PTPRN2: variants seen among roughly 807,000 people sequenced by gnomAD.
PTPRN2 encodes receptor-type tyrosine-protein phosphatase N2.
PTPRN2 carries 74 observed loss-of-function variants against 118.8 expected under a neutral mutation model. The observed-to-expected ratio is 0.62, with a 90% CI of 0.52 to 0.76. The LOEUF is 0.76. Ranked by LOEUF, PTPRN2 falls within the 30% of genes least tolerant of loss-of-function variation. PTPRN2 has a pLI of 0.00. For synonymous variants in PTPRN2, 641 were observed against 608.0 expected (o/e 1.05, Z -0.80); for missense variants, 1,481 against 1,394.4 (o/e 1.06, Z -0.99).
rs940773142 is a variant in PTPRN2, at chr7:157,550,331, A to C, written c.2903-1312T>G. On this transcript the variant is annotated intron_variant, in intron 21 of 22. Transcript: ENST00000389418. The surrounding 1 kb of genome is among the most constrained non-coding windows in gnomAD (Gnocchi z 5.2). ...CAGCAGGTGCCTGCGAAGCACCTCC[A>C]AGTCAGAACTGCGGGCAGCTAGGAG... Among the ~76,000 whole-genome samples the C allele has an allele frequency of 6.6e-6, 1 of 152,082 alleles. No homozygotes were observed. The highest frequency in any genetic ancestry group is 2.4e-5 in the African/African-American group (1 of 41,434).
chr7:158,354,238 C>T (rs1041230586), intron 2 of PTPRN2, among the ~76,000 whole-genome samples: 25 of 152,160 alleles, frequency 1.6e-4, no homozygotes, highest in African/African-American at 6.0e-4. Flanking sequence ...AAACATACCC[C>T]AGAAAAACCA....
chr7:157,678,475 T>C (rs745609986), intron 13 of PTPRN2, among the ~76,000 whole-genome samples: 3 of 152,200 alleles, frequency 2.0e-5, no homozygotes, highest in Non-Finnish European at 4.4e-5. Context: ...CCTGTGCTCT[T>C]TGTCAGAACT....
At chr7:157,553,020 C>G (rs966484444) in intron 21 of PTPRN2, among the ~76,000 whole-genome samples, 2 of 152,228 alleles carry the variant, frequency 1.3e-5, no homozygotes, top group Non-Finnish European at 2.9e-5. Flanking sequence ...TTCTCTGAAG[C>G]CTTCCAGGCA....
chr7:157,640,338 A>G (rs1295132646), intron 14 of PTPRN2, among the ~76,000 whole-genome samples: 1 of 152,252 alleles, frequency 6.6e-6, no homozygotes, highest in Non-Finnish European at 1.5e-5. Context: ...GAAACACTGT[A>G]TGTTGGAAGA....
chr7:157,657,977 C>T (rs561881897), intron 13 of PTPRN2, among the ~76,000 whole-genome samples: 1 of 148,502 alleles, frequency 6.7e-6, no homozygotes, highest in African/African-American at 2.5e-5. Context: ...ACACACACAC[C>T]ACACACACGT....
rs375925672 is a variant in PTPRN2, at chr7:158,349,953, C to T, written c.164-33021G>A. On this transcript the variant is annotated intron_variant, in intron 2 of 22. Transcript: ENST00000389418. ...CCTTCCTGATGTCCAAGAACAAGGG[C>T]GTTACTAGCGCTCACGTGTTCCCCT... Among the ~76,000 whole-genome samples the T allele has an allele frequency of 6.6e-5, 10 of 152,256 alleles. No homozygotes were observed. In the East Asian group the frequency reaches 1.4e-3, roughly 21 times the overall value.
At chr7:158,142,121 C>T (rs1203674785) in intron 6 of PTPRN2, among the ~76,000 whole-genome samples, 1 of 152,206 alleles carries the variant, frequency 6.6e-6, no homozygotes, top group Non-Finnish European at 1.5e-5. Context: ...GGGGGCTGCC[C>T]CTCCCACGAA....
At position 158,173,703 on chromosome 7, in the gene PTPRN2, G is replaced by A. The variant is rs1438468367; in HGVS notation, c.550-6412C>T. On this transcript the variant is annotated intron_variant, in intron 5 of 22. Coordinates refer to ENST00000389418, the MANE Select transcript of PTPRN2 (RefSeq NM_002847.5). ...AGAATTTCATCTCTTATCTTCAACT[G>A]CATAAGACAGACACTCCCAGAACGG... 2.0e-5 allele frequency among the ~76,000 whole-genome samples: 3 copies of A among 152,164 alleles called. No individual in the cohort carries two copies. In the East Asian group the frequency reaches 5.8e-4, roughly 29 times the overall value.
intron 14 of PTPRN2, among the ~76,000 whole-genome samples, chr7:157,637,358 T>C (rs971563250): frequency 1.1e-4 from 16 of 152,110 alleles, no homozygotes; most frequent in Non-Finnish European, 5.9e-5. Flanking sequence ...AAGAGCAGAA[T>C]CTCTAAAGTG....
chr7:157,747,864 G>A (rs1460124054), intron 12 of PTPRN2, among the ~76,000 whole-genome samples: 2 of 143,586 alleles, frequency 1.4e-5, no homozygotes, highest in African/African-American at 2.6e-5. Flanking sequence ...TGAGGCCTGC[G>A]TCCCTGAGCT....
intron 2 of PTPRN2, among the ~76,000 whole-genome samples, chr7:158,393,314 G>A (rs949874859): frequency 1.3e-5 from 2 of 152,210 alleles, no homozygotes; most frequent in Non-Finnish European, 2.9e-5. Context: ...TACTTAACAC[G>A]CTCTGCCACG....
At chr7:157,612,283 G>C (rs1802401748) in intron 15 of PTPRN2, among the ~76,000 whole-genome samples, 1 of 152,226 alleles carries the variant, frequency 6.6e-6, no homozygotes, top group Admixed American at 6.5e-5. Flanking sequence ...ACAGTTTGCT[G>C]TAACAGGAGC....
chr7:158,432,903 A>G (rs923032607), intron 2 of PTPRN2, among the ~76,000 whole-genome samples: 1 of 152,168 alleles, frequency 6.6e-6, no homozygotes, highest in East Asian at 1.9e-4. Flanking sequence ...CGCCCTGACA[A>G]ATGTTTACAG....
chr7:158,340,578 G>A (rs1265339633), intron 2 of PTPRN2, among the ~76,000 whole-genome samples: 1 of 117,624 alleles, frequency 8.5e-6, no homozygotes, highest in Non-Finnish European at 1.8e-5. Context: ...CTCACCATAA[G>A]AGCCGACGCC....
At chr7:157,923,920 AC>A (rs1798825829) in intron 11 of PTPRN2, among the ~76,000 whole-genome samples, 1 of 152,098 alleles carries the variant, frequency 6.6e-6, no homozygotes, top group Admixed American at 6.5e-5. Flanking sequence ...TAAAAAAGCA[AC>A]CTGTCCTGAA....
At chr7:158,140,075 G>A (rs1258829640) in intron 6 of PTPRN2, among the ~76,000 whole-genome samples, 1 of 152,144 alleles carries the variant, frequency 6.6e-6, no homozygotes, top group African/African-American at 2.4e-5. Context: ...ACATAAACAA[G>A]AAAGACCGTC....
chr7:157,576,516 C>T, intron 19 of PTPRN2, 97 bp downstream of exon 19: 1 of 1,274,736 alleles, frequency 7.8e-7, no homozygotes, highest in South Asian at 1.6e-5. Context: ...ACAGACGCGG[C>T]CCTCGGCGCC....
chr7:158,255,376 C>T (rs1039770119), intron 3 of PTPRN2, among the ~76,000 whole-genome samples: 5 of 152,200 alleles, frequency 3.3e-5, no homozygotes, highest in African/African-American at 1.2e-4. Flanking sequence ...CAGGAGTCCA[C>T]GGCCACAGGG....
At chr7:157,789,676 A>ATGTG (rs10666582) in intron 12 of PTPRN2, among the ~76,000 whole-genome samples, 131,608 of 150,934 alleles carry the variant, frequency 0.87, 57,707 homozygotes, top group East Asian at 1. Flanking sequence ...GTATGTGTGC[A>ATGTG]TGTATGTGTG....
Sources: gnomAD v4.1 joint callset for allele counts (sites outside exome capture counted in the v4.1 genomes callset) on GRCh38, gnomAD v4.1.1 for gene constraint, Gnocchi (gnomAD v3.1) non-coding constraint, MANE v1.5 for transcripts, NCBI Gene and HGNC (gene_info 2026-07-23, HGNC 2026-07-21) for gene names.